Variants in TMEM106B observed in about 807,000 individuals in gnomAD.
TMEM106B encodes transmembrane protein 106B.
TMEM106B carries 15 observed loss-of-function variants against 31.1 expected under a neutral mutation model. That is an observed-to-expected ratio of 0.48 (90% confidence interval 0.32 to 0.74). TMEM106B has a LOEUF of 0.74. TMEM106B is among the 30% of genes least tolerant of loss of function. The pLI, the probability that TMEM106B is intolerant of heterozygous loss-of-function variation, is 0.03. For synonymous variants in TMEM106B, 126 were observed against 112.5 expected, an observed-to-expected ratio of 1.12 and a Z score of -0.76; for missense variants, 283 against 327.3, an observed-to-expected ratio of 0.86 and a Z score of 1.04.
At chr7:12,226,727 A>G (rs1781908731) in intron 4 of TMEM106B, among the ~76,000 whole-genome samples, 1 of 152,084 alleles carries the variant, frequency 6.6e-6, no homozygotes, top group Admixed American at 6.6e-5. Context: ...ATTTATTCTT[A>G]TTGCTTTCTG....
chr7:12,216,979 A>G (rs1395519930), intron 2 of TMEM106B, among the ~76,000 whole-genome samples: 2 of 152,112 alleles, frequency 1.3e-5, no homozygotes, highest in African/African-American at 2.4e-5. Flanking sequence ...TCCATAGCAG[A>G]GAGAAGAGAG....
intron 4 of TMEM106B, among the ~76,000 whole-genome samples, chr7:12,225,320 A>G (rs1261024698): frequency 6.6e-6 from 1 of 152,206 alleles, no homozygotes; most frequent in Non-Finnish European, 1.5e-5. Context: ...TAGTGCTGCA[A>G]TAAACATAAC....
intron 3 of TMEM106B, among the ~76,000 whole-genome samples, chr7:12,223,476 T>C (rs1781828239): frequency 6.6e-6 from 1 of 152,138 alleles, no homozygotes; most frequent in Non-Finnish European, 1.5e-5. Context: ...TTTTTCCTAA[T>C]GCTCTCCCTT....
intron 4 of TMEM106B, among the ~76,000 whole-genome samples, chr7:12,224,894 T>C (rs1178934343): frequency 2.6e-5 from 4 of 151,928 alleles, no homozygotes; most frequent in Non-Finnish European, 5.9e-5. Context: ...AATTATTAAG[T>C]TCTAGGGTAC....
chr7:12,235,567 G>GA lies in TMEM106B; in HGVS notation c.*3595dup, dbSNP rs1782116139. 1 of 151,838 alleles carries GA rather than the reference G, an allele frequency of 6.6e-6. No homozygotes were observed. The highest frequency in any genetic ancestry group is 2.1e-4 in the South Asian group (1 of 4,824). 9.4% of individuals were successfully genotyped at this position (151,838 alleles called of 1,614,324 possible). On this transcript the variant is annotated 3_prime_UTR_variant, in exon 8 of 8. Transcript: ENST00000396668. ...ATTAAAGTAACATATTAGGAGACTT[G>GA]AAACTTCAGCCTAATAAATCCTTCA...
chr7:12,218,863 C>G (rs886864086), intron 3 of TMEM106B, among the ~76,000 whole-genome samples: 1 of 152,088 alleles, frequency 6.6e-6, no homozygotes, highest in Non-Finnish European at 1.5e-5. Context: ...AACATGGTGA[C>G]AGCAGGGACC....
At chr7:12,215,117 T>G (rs570277695) in intron 2 of TMEM106B, 90 bp downstream of exon 2, 2 of 1,043,478 alleles carry the variant, frequency 1.9e-6, no homozygotes, top group African/African-American at 3.2e-5. Flanking sequence ...ACCACCTGTT[T>G]TAGAGGACTC....
intron 4 of TMEM106B, 65 bp downstream of exon 4, chr7:12,224,450 G>C (rs1402797370): frequency 3.7e-6 from 5 of 1,366,858 alleles, no homozygotes; most frequent in Non-Finnish European, 5.1e-6. Context: ...CAGCACCTTT[G>C]TCCCCATTGA....
At position 12,232,814 on chromosome 7, in the gene TMEM106B, T is replaced by A. The variant is rs1390988573; in HGVS notation, c.*839T>A. 6.6e-6 allele frequency: 1 copy of A among 152,174 alleles called. No individual in the cohort carries two copies. The highest frequency in any genetic ancestry group is 1.5e-5 in the Non-Finnish European group (1 of 67,758). 9.4% of individuals were successfully genotyped at this position (152,174 alleles called of 1,614,324 possible). ...AAATACAATAAATAGGAAAATGAAATTCAGAAACCCATAGACTGGGAATAG... is the reference window on the plus strand; with the variant it reads ...AAATACAATAAATAGGAAAATGAAAATCAGAAACCCATAGACTGGGAATAG... On this transcript the variant is annotated 3_prime_UTR_variant, in exon 8 of 8. Coordinates refer to ENST00000396668, the MANE Select transcript of TMEM106B (RefSeq NM_001134232.2).
chr7:12,230,702 T>C, intron 6 of TMEM106B: 1 of 323,516 alleles, frequency 3.1e-6, no homozygotes, highest in Non-Finnish European at 5.5e-6. Context: ...TGTTACTGTG[T>C]TAAACTTGTT....
At chr7:12,222,475 C>T (rs1044022028) in intron 3 of TMEM106B, among the ~76,000 whole-genome samples, 1 of 152,020 alleles carries the variant, frequency 6.6e-6, no homozygotes, top group Non-Finnish European at 1.5e-5. Flanking sequence ...GACTTATAAG[C>T]CCTAAGGACT....
At chr7:12,231,211 C>A in intron 7 of TMEM106B, 96 bp downstream of exon 7, 2 of 898,064 alleles carry the variant, frequency 2.2e-6, no homozygotes, top group South Asian at 1.5e-5. Context: ...ATAAATGCCA[C>A]CTCAGTTGGG....
intron 7 of TMEM106B, 122 bp downstream of exon 7, chr7:12,231,237 G>C (rs2128527785): frequency 1.5e-6 from 1 of 665,174 alleles, no homozygotes; most frequent in East Asian, 2.9e-5. Context: ...AGCCTTACAA[G>C]AGTGCTATGA....
intron 1 of TMEM106B, chr7:12,214,325 C>T (rs1781642204): frequency 1.3e-5 from 2 of 152,804 alleles, no homozygotes; most frequent in Admixed American, 6.5e-5. Context: ...ATAATCAGAA[C>T]CTTGGCTTCC....
At position 12,218,239 on chromosome 7, in the gene TMEM106B, CTT is replaced by C. The variant is rs11291359; in HGVS notation, c.218-202_218-201del. ...AAAAAGTAAGCCCTCATTTGTTATA[CTT>C]TTTTTTTTTTTTTTTTAGCTAGACA... On this transcript the variant is annotated intron_variant, in intron 2 of 7. Transcript: ENST00000396668. Among the ~76,000 whole-genome samples the C allele has an allele frequency of 2.5e-3, 328 of 133,318 alleles. 1 individual carries two copies. The highest frequency in any genetic ancestry group is 0.016 in the East Asian group (74 of 4,612). The allele number at this position is 133,318 out of a possible 152,430, so 87.5% of individuals were successfully genotyped here.
At chr7:12,231,604 T>C (rs935181211) in intron 7 of TMEM106B, 3 of 362,328 alleles carry the variant, frequency 8.3e-6, no homozygotes, top group Non-Finnish European at 9.9e-6. Context: ...AAGATAATTG[T>C]TTTAAAATAT....
intron 7 of TMEM106B, 59 bp downstream of exon 7, chr7:12,231,174 T>C: frequency 7.5e-7 from 1 of 1,327,200 alleles, no homozygotes; most frequent in East Asian, 2.3e-5. Context: ...ATTTATAACA[T>C]TGGCTTATAA....
intron 6 of TMEM106B, 48 bp downstream of exon 6, chr7:12,230,486 A>G (rs923992795): frequency 1.6e-6 from 2 of 1,265,912 alleles, no homozygotes; most frequent in Non-Finnish European, 1.1e-6. Flanking sequence ...AATGAAGTGT[A>G]TAAAATAAAG....
intron 6 of TMEM106B, 69 bp from the exon 7 acceptor site, chr7:12,230,993 A>G (rs903079743): frequency 3.2e-5 from 35 of 1,088,370 alleles, no homozygotes; most frequent in Non-Finnish European, 1.5e-5. Context: ...TAGCTTTAAG[A>G]TAGGAGGGAG....
Sources: gnomAD v4.1 joint callset for allele counts (sites outside exome capture counted in the v4.1 genomes callset) on GRCh38, gnomAD v4.1.1 for gene constraint, MANE v1.5 for transcripts, NCBI Gene and HGNC (gene_info 2026-07-23, HGNC 2026-07-21) for gene names.